SYCP2L: variants seen among roughly 807,000 people sequenced by gnomAD.
SYCP2L encodes the protein synaptonemal complex protein 2-like.
In SYCP2L, 98 loss-of-function variants were observed where a neutral mutation model predicts 125.8. The ratio of observed to expected loss-of-function variants is 0.78; its 90% confidence interval spans 0.66 to 0.92. The LOEUF is 0.92. Among genes scored for constraint, SYCP2L ranks in the 40% least tolerant of loss-of-function variants. The probability of loss-of-function intolerance (pLI) is 0.00; values close to 1 mark genes in which losing one functional copy is unlikely to be tolerated. For synonymous variants in SYCP2L, 317 were observed against 325.4 expected, an observed-to-expected ratio of 0.97 and a Z score of 0.28; for missense variants, 842 against 936.4, an observed-to-expected ratio of 0.90 and a Z score of 1.32.
At chr6:10,949,535 CG>C (rs1214783000) in intron 23 of SYCP2L, among the ~76,000 whole-genome samples, 1 of 152,038 alleles carries the variant, frequency 6.6e-6, no homozygotes. Context: ...TGGCTGAAAA[CG>C]GTATCCAAAT....
At position 10,898,080 on chromosome 6, in the gene SYCP2L, A is replaced by AT; in HGVS notation, c.409dup (p.Cys137LeufsTer8). ...AGGCCTAGCCTCAGACACGTCGCTG[A>AT]TTTGTGTTATAGAAGATTTCTTTGA... is the stretch of plus-strand genomic sequence containing the variant. On this transcript the variant is annotated frameshift_variant, in exon 5 of 30. Transcript: ENST00000283141. LOFTEE classifies it high-confidence loss of function. 6.2e-7 allele frequency: 1 copy of AT among 1,614,104 alleles called. No individual in the cohort carries two copies. The highest frequency in any genetic ancestry group is 2.2e-5 in the East Asian group (1 of 44,890).
Position 10,924,478 on chromosome 6 carries a change from T to C in SYCP2L, c.1073-18T>C. 2 of 1,546,016 alleles carry C rather than the reference T, an allele frequency of 1.3e-6. No individual in the cohort carries two copies. Among genetic ancestry groups the C allele is most frequent in the Non-Finnish European group, 8.7e-7 (1 of 1,152,888 alleles). ...TGAAGTATGTTGCTATGCATTGATA[T>C]TCCATATTTTCTCTTAGAAACGGAG... On this transcript the variant is annotated intron_variant, in intron 14 of 29. Coordinates refer to ENST00000283141, the MANE Select transcript of SYCP2L (RefSeq NM_001040274.3).
intron 14 of SYCP2L, among the ~76,000 whole-genome samples, chr6:10,918,973 C>T (rs1780740001): frequency 6.6e-6 from 1 of 152,114 alleles, no homozygotes; most frequent in Non-Finnish European, 1.5e-5. Context: ...GTTCTCCTTT[C>T]ACTTCTTGTA....
intron 19 of SYCP2L, among the ~76,000 whole-genome samples, chr6:10,930,987 A>G (rs757982068): frequency 1.3e-5 from 2 of 152,102 alleles, no homozygotes; most frequent in Non-Finnish European, 2.9e-5. Flanking sequence ...AGCCTAGGCA[A>G]TGTGGTGAGA....
At chr6:10,906,650 T>G (rs188446164) in intron 9 of SYCP2L, among the ~76,000 whole-genome samples, 1 of 151,494 alleles carries the variant, frequency 6.6e-6, no homozygotes, top group Admixed American at 6.6e-5. Flanking sequence ...CAGGCTGGAG[T>G]GCAATGGCGC....
At chr6:10,951,616 T>C (rs184594001) in intron 23 of SYCP2L, among the ~76,000 whole-genome samples, 1 of 152,338 alleles carries the variant, frequency 6.6e-6, no homozygotes, top group African/African-American at 2.4e-5. Context: ...AAGATAGTCT[T>C]TAAATTGTCA....
At chr6:10,935,327 T>C in intron 21 of SYCP2L, 140 bp downstream of exon 21, 1 of 896,802 alleles carries the variant, frequency 1.1e-6, no homozygotes, top group East Asian at 2.8e-5. Context: ...ATGTCTCTTA[T>C]TAGCAAATTA....
rs750876809 is a variant in SYCP2L, at chr6:10,891,537, A to C, written c.34A>C (p.Ile12Leu). The C allele has an allele frequency of 5.3e-5, 85 of 1,602,638 alleles. No individual in the cohort carries two copies. The highest frequency in any genetic ancestry group is 6.6e-5 in the Non-Finnish European group (77 of 1,174,586). Reference sequence around the variant, plus strand: ...GAAAAACAAAGATGCTTTGCAGCCTATTAAGGAAGACAGGACTGGGAAGGC... The same window carrying C: ...GAAAAACAAAGATGCTTTGCAGCCTCTTAAGGAAGACAGGACTGGGAAGGC... ...QAKNKDALQP[I>L]KEDRTGKAQD... The change falls in exon 2 of 30, where the codon ATT becomes CTT. Residue 12 changes from isoleucine to leucine, a missense_variant. Physicochemically the swap from Ile to Leu is conservative, Grantham distance 5. Coordinates refer to ENST00000283141, the MANE Select transcript of SYCP2L (RefSeq NM_001040274.3).
chr6:10,889,300 G>A (rs35549065), intron 1 of SYCP2L, among the ~76,000 whole-genome samples: 16,447 of 152,116 alleles, frequency 0.11, 1,429 homozygotes, highest in African/African-American at 0.24. Flanking sequence ...TTGACACATA[G>A]TAATTGCACA....
At chr6:10,925,439 A>T (rs1455116707) in intron 15 of SYCP2L, among the ~76,000 whole-genome samples, 3 of 152,112 alleles carry the variant, frequency 2.0e-5, no homozygotes, top group African/African-American at 7.2e-5. Flanking sequence ...ACTTCTCTAG[A>T]TTGCTGTGGT....
At chr6:10,901,382 A>G (rs1179321846) in intron 6 of SYCP2L, among the ~76,000 whole-genome samples, 1 of 152,174 alleles carries the variant, frequency 6.6e-6, no homozygotes, top group Non-Finnish European at 1.5e-5. Flanking sequence ...TTTGCCCCTT[A>G]CAATCCTGTT....
chr6:10,931,801 C>CA (rs1483420879), intron 20 of SYCP2L, among the ~76,000 whole-genome samples: 10 of 151,972 alleles, frequency 6.6e-5, no homozygotes, highest in South Asian at 2.1e-4. Context: ...TCCGTCTCTA[C>CA]AAAAAATACA....
chr6:10,945,166 T>C (rs1163613804), intron 23 of SYCP2L, among the ~76,000 whole-genome samples: 1 of 152,232 alleles, frequency 6.6e-6, no homozygotes, highest in East Asian at 1.9e-4. Flanking sequence ...TCTGTATGAT[T>C]ATACCTTTTG....
In SYCP2L at chr6:10,895,890, C is replaced by T. The variant is rs186689345; in HGVS notation, c.336+1686C>T. Among the ~76,000 whole-genome samples, 240 of 152,222 alleles carry T rather than the reference C, an allele frequency of 1.6e-3. 1 individual carries two copies. The highest frequency in any genetic ancestry group is 2.3e-3 in the Non-Finnish European group (158 of 68,008). ...TAAGAATTCCTGGCACGGCGGCTCA[C>T]GCCTGTAATCCCAGCACTTTGGGAG... On this transcript the variant is annotated intron_variant, in intron 4 of 29. Transcript: ENST00000283141.
At chr6:10,918,568 C>T (rs971649346) in intron 14 of SYCP2L, among the ~76,000 whole-genome samples, 4 of 151,590 alleles carry the variant, frequency 2.6e-5, no homozygotes, top group Non-Finnish European at 4.4e-5. Flanking sequence ...GACAGAGTCT[C>T]GCTCTGTTGC....
chr6:10,963,916 C>G (rs993469487), intron 29 of SYCP2L, 73 bp downstream of exon 29: 26 of 1,121,544 alleles, frequency 2.3e-5, no homozygotes, highest in African/African-American at 3.2e-5. Context: ...CTAAAAGATA[C>G]TGTAATGCTT....
chr6:10,940,768 G>C (rs1781203270), intron 21 of SYCP2L, among the ~76,000 whole-genome samples: 4 of 152,166 alleles, frequency 2.6e-5, no homozygotes. Flanking sequence ...AGCACAGGTA[G>C]TGATGGATGT....
intron 1 of SYCP2L, among the ~76,000 whole-genome samples, chr6:10,888,116 A>G (rs1780110821): frequency 1.3e-5 from 1 of 74,980 alleles, no homozygotes; most frequent in African/African-American, 5.0e-5. Context: ...TTTTTTTTTG[A>G]GACGGAGTCT....
intron 25 of SYCP2L, among the ~76,000 whole-genome samples, chr6:10,958,414 A>G (rs1041420194): frequency 2.0e-5 from 3 of 152,096 alleles, no homozygotes; most frequent in African/African-American, 7.2e-5. Flanking sequence ...GCCAGGTGTC[A>G]TGACTCGCTG....
Sources: allele counts gnomAD v4.1 joint callset (sites outside exome capture counted in the v4.1 genomes callset), GRCh38; gene constraint gnomAD v4.1.1; transcripts MANE v1.5; gene names NCBI Gene and HGNC (gene_info 2026-07-23, HGNC 2026-07-21).